The following DIP2B variants were observed in gnomAD, a reference collection of about 807,000 sequenced individuals.
DIP2B encodes the protein DIP2 acetate--CoA ligase B (putative), also known as disco-interacting protein 2 homolog B.
A neutral mutation model predicts 198.0 loss-of-function variants in DIP2B; 76 were observed. The ratio of observed to expected loss-of-function variants is 0.38; its 90% CI spans 0.32 to 0.46. DIP2B has a LOEUF of 0.46. DIP2B is among the 20% of genes least tolerant of loss of function. DIP2B has a pLI of 0.99. For missense variants in DIP2B, 1,559 were observed against 1,978.4 expected (o/e 0.79, Z 4.02); for synonymous variants, 701 against 739.1 (o/e 0.95, Z 0.84).
At chr12:50,509,283 C>T (rs960628959) in intron 1 of DIP2B, among the ~76,000 whole-genome samples, 3 of 152,088 alleles carry the variant, frequency 2.0e-5, no homozygotes, top group East Asian at 1.9e-4. Flanking sequence ...ATTATAAATA[C>T]GAGATTGGAT....
chr12:50,631,184 C>T (rs1007429114), intron 2 of DIP2B, among the ~76,000 whole-genome samples: 1 of 151,482 alleles, frequency 6.6e-6, no homozygotes, highest in African/African-American at 2.4e-5. Context: ...GAGTGCGGTG[C>T]TGTGATCTTT....
At chr12:50,510,748 C>T (rs959863294) in intron 1 of DIP2B, among the ~76,000 whole-genome samples, 7 of 150,608 alleles carry the variant, frequency 4.6e-5, no homozygotes, top group African/African-American at 9.8e-5. Flanking sequence ...TGGGTTCAAG[C>T]GATTCTTCTG....
At chr12:50,608,509 C>G (rs532292914) in intron 1 of DIP2B, among the ~76,000 whole-genome samples, 1 of 151,658 alleles carries the variant, frequency 6.6e-6, no homozygotes, top group South Asian at 2.1e-4. Context: ...GGCTGTAGTC[C>G]CAGCTACTCT....
intron 1 of DIP2B, among the ~76,000 whole-genome samples, chr12:50,539,253 CAG>C (rs1304300101): frequency 3.5e-5 from 5 of 142,242 alleles, no homozygotes; most frequent in South Asian, 2.2e-4. Flanking sequence ...TTTTTTTTGA[CAG>C]AGTCTTGCTC....
intron 1 of DIP2B, among the ~76,000 whole-genome samples, chr12:50,512,818 C>A (rs1958029906): frequency 6.6e-6 from 1 of 152,144 alleles, no homozygotes; most frequent in Admixed American, 6.6e-5. Flanking sequence ...CCAGCCTGGG[C>A]AACATGGTGA....
At chr12:50,659,249 T>G (rs1190822992) in intron 3 of DIP2B, among the ~76,000 whole-genome samples, 2 of 152,190 alleles carry the variant, frequency 1.3e-5, no homozygotes, top group African/African-American at 2.4e-5. Context: ...ACATTGTCGT[T>G]AAAGTGATTC....
chr12:50,689,014 G>A lies in DIP2B; in HGVS notation c.1552-2035G>A, dbSNP rs184640574. On this transcript the variant is annotated intron_variant, in intron 12 of 37. Coordinates refer to ENST00000301180, the MANE Select transcript of DIP2B (RefSeq NM_173602.3). ...TACTAGTGAGTTTAAAGCATCTCTG[G>A]GTAATAGGGAGTTATTAAAGGGTTG... Among the ~76,000 whole-genome samples, 695 of 152,178 alleles carry A rather than the reference G, an allele frequency of 4.6e-3. 8 individuals are homozygous for A. Among genetic ancestry groups the A allele is most frequent in the African/African-American group, 0.016 (656 of 41,504 alleles).
At chr12:50,694,310 A>G (rs886661319) in intron 14 of DIP2B, among the ~76,000 whole-genome samples, 3 of 152,176 alleles carry the variant, frequency 2.0e-5, no homozygotes, top group Admixed American at 1.3e-4. Context: ...AGCTTGGCCA[A>G]CATGGTGAAA....
At chr12:50,562,695 C>T (rs1958529725) in intron 1 of DIP2B, among the ~76,000 whole-genome samples, 1 of 151,550 alleles carries the variant, frequency 6.6e-6, no homozygotes, top group East Asian at 1.9e-4. Context: ...TGAGATCATG[C>T]CACTGCACTC....
Position 50,505,258 on chromosome 12 carries a change from G to A in DIP2B, c.100+18G>A, listed in dbSNP as rs757837031. ...CTCGGAGGGTAGGAGCCGGGCCGGG[G>A]AGAGGGCGCCCGGGGCCCTGCGGAT... On this transcript the variant is annotated intron_variant, in intron 1 of 37. Transcript: ENST00000301180. 1 of 1,484,646 alleles carries A rather than the reference G, an allele frequency of 6.7e-7. No individual in the cohort carries two copies. Among genetic ancestry groups the A allele is most frequent in the African/African-American group, 1.5e-5 (1 of 68,086 alleles). The allele number at this position is 1,484,646 out of a possible 1,614,324, so 92.0% of individuals were successfully genotyped here. A position where few individuals can be genotyped will look rare whatever the true frequency, so the allele number is the denominator to read the frequency against.
chr12:50,744,856 T>G lies in DIP2B; in HGVS notation c.*17T>G. On this transcript the variant is annotated 3_prime_UTR_variant, in exon 38 of 38. Transcript: ENST00000301180. ...AACATGTAACCAGCCTTGTGGGGAC[T>G]GCAGTGGGCCATTCTGAAGAATCAC... 1 of 1,611,576 alleles carries G rather than the reference T, an allele frequency of 6.2e-7. No homozygotes were observed. The highest frequency in any genetic ancestry group is 8.5e-7 in the Non-Finnish European group (1 of 1,177,902).
intron 22 of DIP2B, among the ~76,000 whole-genome samples, chr12:50,711,630 C>T (rs1266656654): frequency 1.3e-5 from 2 of 152,100 alleles, no homozygotes; most frequent in Non-Finnish European, 2.9e-5. Context: ...GGCACGATCT[C>T]GGCTCACTGC....
chr12:50,653,328 C>CTTT (rs71086465), intron 3 of DIP2B, among the ~76,000 whole-genome samples: 6 of 116,294 alleles, frequency 5.2e-5, no homozygotes, highest in East Asian at 2.6e-4. Flanking sequence ...GTCTTTCTTT[C>CTTT]TTTTTTTTTT....
chr12:50,594,524 C>A (rs1958861963), intron 1 of DIP2B, among the ~76,000 whole-genome samples: 1 of 152,280 alleles, frequency 6.6e-6, no homozygotes, highest in Non-Finnish European at 1.5e-5. Context: ...TAGAATTCAG[C>A]AGAATTTTCT....
intron 1 of DIP2B, among the ~76,000 whole-genome samples, chr12:50,598,372 T>G (rs1401814173): frequency 1.3e-5 from 2 of 152,084 alleles, no homozygotes; most frequent in African/African-American, 4.8e-5. Context: ...ACACAAGTCC[T>G]TTTGTTGGCC....
At chr12:50,517,907 C>G (rs1474695329) in intron 1 of DIP2B, among the ~76,000 whole-genome samples, 2 of 152,128 alleles carry the variant, frequency 1.3e-5, no homozygotes, top group Non-Finnish European at 2.9e-5. Context: ...GTTTCCTTTT[C>G]TAAGCTCTTT....
chr12:50,666,904 C>G (rs1418823816), intron 4 of DIP2B, among the ~76,000 whole-genome samples: 4 of 152,286 alleles, frequency 2.6e-5, no homozygotes, highest in Middle Eastern at 3.4e-3. Context: ...CGCCTGTAGT[C>G]CCAGCTACTC....
At chr12:50,701,320 G>A (rs963718486) in intron 19 of DIP2B, among the ~76,000 whole-genome samples, 4 of 152,210 alleles carry the variant, frequency 2.6e-5, no homozygotes, top group African/African-American at 9.6e-5. Context: ...GTTTACCAAT[G>A]TAGTTAACAT....
intron 13 of DIP2B, among the ~76,000 whole-genome samples, 179 bp from the exon 14 acceptor site, chr12:50,692,768 CAG>C (rs561372303): frequency 8.5e-5 from 13 of 152,198 alleles, no homozygotes; most frequent in East Asian, 7.7e-4. Flanking sequence ...ACCTGGGAGA[CAG>C]AGGTTGCAGT....
Sources: allele counts gnomAD v4.1 joint callset (sites outside exome capture counted in the v4.1 genomes callset), GRCh38; gene constraint gnomAD v4.1.1; transcripts MANE v1.5; gene names NCBI Gene and HGNC (gene_info 2026-07-23, HGNC 2026-07-21).